Variants in MEGF6 observed in about 807,000 individuals in gnomAD.
MEGF6 encodes the protein multiple EGF like domains 6.
In MEGF6, 184 loss-of-function variants were observed where a neutral mutation model predicts 207.1. The ratio of observed to expected loss-of-function variants is 0.89; its 90% CI spans 0.79 to 1.00. The LOEUF (loss-of-function observed/expected upper bound fraction) is 1.00, where lower values mean the gene tolerates loss of function less well. Among genes scored for constraint, MEGF6 ranks in the 50% least tolerant of loss-of-function variants. The pLI is 0.00. For synonymous variants in MEGF6, 1,038 were observed against 910.0 expected, an observed-to-expected ratio of 1.14 and a Z score of -2.53; for missense variants, 2,282 against 2,202.9, an observed-to-expected ratio of 1.04 and a Z score of -0.72.
At chr1:3,504,349 C>T (rs2100981792) in intron 17 of MEGF6, among the ~76,000 whole-genome samples, 1 of 152,280 alleles carries the variant, frequency 6.6e-6, no homozygotes, top group South Asian at 2.1e-4. Context: ...GGGCGTCTTC[C>T]TTCCCCTCAT....
At chr1:3,495,195 G>A (rs868456940) in intron 30 of MEGF6, among the ~76,000 whole-genome samples, 1 of 152,326 alleles carries the variant, frequency 6.6e-6, no homozygotes, top group Middle Eastern at 3.4e-3. Flanking sequence ...CCGGCCTGAT[G>A]GCACTATCCT....
intron 5 of MEGF6, among the ~76,000 whole-genome samples, chr1:3,519,149 C>G (rs1219524965): frequency 5.3e-5 from 8 of 152,202 alleles, no homozygotes; most frequent in Non-Finnish European, 1.2e-4. Context: ...CAACCCACAC[C>G]CCAGCAAGGC....
At chr1:3,498,601 G>C in intron 25 of MEGF6, 97 bp downstream of exon 25, 1 of 1,483,616 alleles carries the variant, frequency 6.7e-7, no homozygotes, top group Non-Finnish European at 9.0e-7. Context: ...CTACACCCCA[G>C]GGCGCTGCCC....
intron 3 of MEGF6, among the ~76,000 whole-genome samples, chr1:3,591,146 G>A (rs986809103): frequency 3.9e-5 from 6 of 152,064 alleles, no homozygotes; most frequent in African/African-American, 9.7e-5. Flanking sequence ...ACCAGCAGCC[G>A]CGCCCCGCCC....
intron 4 of MEGF6, among the ~76,000 whole-genome samples, chr1:3,555,860 G>A (rs1228797300): frequency 6.6e-6 from 1 of 152,246 alleles, no homozygotes; most frequent in Admixed American, 6.5e-5. Flanking sequence ...AGACTGAGCT[G>A]GCATCCTTCT....
chr1:3,605,512 AC>A (rs1162732267), intron 1 of MEGF6, among the ~76,000 whole-genome samples: 1 of 150,758 alleles, frequency 6.6e-6, no homozygotes, highest in Non-Finnish European at 1.5e-5. Flanking sequence ...ACAATCACAC[AC>A]ATACACATTC....
At chr1:3,537,579 C>T (rs1367769993) in intron 4 of MEGF6, among the ~76,000 whole-genome samples, 2 of 152,256 alleles carry the variant, frequency 1.3e-5, no homozygotes, top group Non-Finnish European at 2.9e-5. Flanking sequence ...GCTCTGCCCT[C>T]ACGGACACCT....
At chr1:3,575,954 G>A (rs138896910) in intron 4 of MEGF6, among the ~76,000 whole-genome samples, 7 of 152,208 alleles carry the variant, frequency 4.6e-5, no homozygotes, top group East Asian at 1.9e-4. Flanking sequence ...CCTCACCTAC[G>A]TGGACTCACG....
intron 5 of MEGF6, among the ~76,000 whole-genome samples, chr1:3,523,701 C>T (rs1389588415): frequency 2.0e-5 from 3 of 152,208 alleles, no homozygotes; most frequent in South Asian, 2.1e-4. Context: ...CCACGTAGCA[C>T]GTGACCCAGG....
At chr1:3,588,959 G>A (rs1431090821) in intron 3 of MEGF6, among the ~76,000 whole-genome samples, 1 of 152,122 alleles carries the variant, frequency 6.6e-6, no homozygotes, top group Non-Finnish European at 1.5e-5. Flanking sequence ...GTGGTGGGGT[G>A]GAAATCCTGT....
chr1:3,497,310 G>A lies in MEGF6; in HGVS notation c.3404C>T (p.Pro1135Leu), dbSNP rs202008315. Residue 1135 changes from proline (P) to leucine (L), a missense_variant, in exon 27 of 37, where the codon CCG becomes CTG. Coordinates refer to ENST00000356575, the MANE Select transcript of MEGF6 (RefSeq NM_001409.4). ...GACGTGGTGGCAGGCAGCGCCAGGC[G>A]GGCAGCTGCAGCGCTGGGCACAGGC... Reference protein sequence around the residue: ...GEACAQRCSCPPGAACHHVTG... With the variant: ...GEACAQRCSCLPGAACHHVTG... The A allele has an allele frequency of 1.5e-3, 2,338 of 1,551,856 alleles. 7 individuals carry two copies. The highest frequency in any genetic ancestry group is 2.0e-3 in the Admixed American group (95 of 47,346).
chr1:3,577,835 C>CA (rs1054647385), intron 4 of MEGF6, among the ~76,000 whole-genome samples: 8 of 152,250 alleles, frequency 5.3e-5, no homozygotes, highest in African/African-American at 1.9e-4. Flanking sequence ...TGGAGCCCCC[C>CA]CAACAATGCC....
At chr1:3,519,071 T>C (rs994969378) in intron 5 of MEGF6, among the ~76,000 whole-genome samples, 3 of 152,108 alleles carry the variant, frequency 2.0e-5, no homozygotes, top group African/African-American at 7.2e-5. Context: ...CCACCAGGCG[T>C]CCAGAAATGG....
At position 3,509,093 on chromosome 1, in the gene MEGF6, T is replaced by G. The variant is rs1397860451; in HGVS notation, c.1510A>C (p.Thr504Pro). Residue 504 changes from threonine to proline, a missense_variant, in exon 12 of 37, where the codon ACG becomes CCG. Physicochemically the swap from Thr to Pro is conservative, Grantham distance 38 (BLOSUM62 -1). Transcript: ENST00000356575. Reference sequence around the variant, plus strand: ...CGCTCACCAAACTTCTCTGTGAGCGTGTGTTCGCCCCGCAACTCTGCCTCT... The same window carrying G: ...CGCTCACCAAACTTCTCTGTGAGCGGGTGTTCGCCCCGCAACTCTGCCTCT... ...EEEAELRGEH[T>P]LTEKFVCLDD... The G allele has an allele frequency of 6.3e-7, 1 of 1,596,740 alleles. No homozygotes were observed. The highest frequency in any genetic ancestry group is 1.7e-5 in the Admixed American group (1 of 57,758).
chr1:3,585,986 C>A (rs191171009), intron 3 of MEGF6, among the ~76,000 whole-genome samples: 1 of 132,072 alleles, frequency 7.6e-6, no homozygotes, highest in African/African-American at 3.1e-5. Flanking sequence ...GGACGCATGT[C>A]CTGTGTGTGG....
In MEGF6 at chr1:3,510,786, C is replaced by G. The variant is rs779531342; in HGVS notation, c.1231G>C (p.Glu411Gln). ...GCAGTGGCAGGGCAGTGCTCACCCT[C>G]ACAGCCGCAGCCATCGGCACTGAGC... Reference protein sequence around the residue: ...YRLSADGCGCEDVDECASSRG... With the variant: ...YRLSADGCGCQDVDECASSRG... Residue 411 changes from glutamate (E) to glutamine (Q), a missense_variant, in exon 10 of 37, where the codon GAG becomes CAG. Glu to Gln is a conservative substitution (Grantham distance 29). Coordinates refer to ENST00000356575, the MANE Select transcript of MEGF6 (RefSeq NM_001409.4). 6.2e-7 allele frequency: 1 copy of G among 1,601,724 alleles called. No homozygotes were observed. The highest frequency in any genetic ancestry group is 2.2e-5 in the East Asian group (1 of 44,522).
At chr1:3,605,324 T>G (rs1257605321) in intron 1 of MEGF6, among the ~76,000 whole-genome samples, 1 of 151,234 alleles carries the variant, frequency 6.6e-6, no homozygotes, top group Non-Finnish European at 1.5e-5. Flanking sequence ...ATATGCATGC[T>G]TACACACTCA....
At chr1:3,581,900 T>C (rs1286733389) in intron 3 of MEGF6, among the ~76,000 whole-genome samples, 7 of 151,992 alleles carry the variant, frequency 4.6e-5, no homozygotes, top group African/African-American at 1.7e-4. Context: ...CCACCCTGTG[T>C]CCCTCCCCTA....
At chr1:3,605,123 CAT>C (rs1644223482) in intron 1 of MEGF6, among the ~76,000 whole-genome samples, 1 of 141,666 alleles carries the variant, frequency 7.1e-6, no homozygotes, top group South Asian at 2.3e-4. Flanking sequence ...CACAACCACT[CAT>C]ACACACACCC....
Sources: allele counts gnomAD v4.1 joint callset (sites outside exome capture counted in the v4.1 genomes callset), GRCh38; gene constraint gnomAD v4.1.1; transcripts MANE v1.5; gene names NCBI Gene and HGNC (gene_info 2026-07-23, HGNC 2026-07-21).